Variants in DLGAP2 observed in about 807,000 individuals in gnomAD.
DLGAP2 encodes DLG associated protein 2.
Under a neutral mutation model 100.3 loss-of-function variants are expected in DLGAP2, and 26 were observed. That is an observed-to-expected ratio of 0.26 (90% CI 0.19 to 0.36). The LOEUF (loss-of-function observed/expected upper bound fraction) is 0.36. Ranked by LOEUF, DLGAP2 falls within the 10% of genes least tolerant of loss-of-function variation. The pLI is 1.00. For synonymous variants in DLGAP2, 886 were observed against 630.1 expected (o/e 1.41, Z -6.08); for missense variants, 1,858 against 1,453.2 (o/e 1.28, Z -4.53).
At chr8:1,309,673 G>A (rs977072086) in intron 3 of DLGAP2, among the ~76,000 whole-genome samples, 1 of 152,172 alleles carries the variant, frequency 6.6e-6, no homozygotes, top group Non-Finnish European at 1.5e-5. Flanking sequence ...ATACAGGGAC[G>A]ACCAGGAAAA....
chr8:1,697,206 G>C lies in DLGAP2; in HGVS notation c.2856G>C (p.Leu952=), dbSNP rs1477084265. Residue 952 remains leucine, a synonymous_variant, in exon 14 of 15, where the codon CTG becomes CTC. Transcript: ENST00000637795. Reference sequence around the variant, plus strand: ...ACCTGGCCGGCTACTGGGACATGCTGCAGCTCTCCATTGAGGACGTCAGCA... The same window carrying C: ...ACCTGGCCGGCTACTGGGACATGCTCCAGCTCTCCATTGAGGACGTCAGCA... ...SQDLAGYWDM[L]QLSIEDVSMK... 2 of 1,610,738 alleles carry C rather than the reference G, an allele frequency of 1.2e-6. No homozygotes were observed. Among genetic ancestry groups the C allele is most frequent in the African/African-American group, 2.7e-5 (2 of 74,872 alleles).
intron 3 of DLGAP2, among the ~76,000 whole-genome samples, chr8:1,341,757 G>A (rs772261695): frequency 6.6e-6 from 1 of 152,154 alleles, no homozygotes; most frequent in African/African-American, 2.4e-5. Context: ...GTGCTAGCAG[G>A]TGTCATTTCC....
intron 3 of DLGAP2, among the ~76,000 whole-genome samples, chr8:1,436,113 A>G (rs1420387115): frequency 6.6e-6 from 1 of 152,168 alleles, no homozygotes; most frequent in Non-Finnish European, 1.5e-5. Flanking sequence ...GAGTTTATTG[A>G]GGAGAATTGA....
intron 2 of DLGAP2, among the ~76,000 whole-genome samples, chr8:915,373 C>T (rs898839816): frequency 1.3e-5 from 2 of 152,126 alleles, no homozygotes; most frequent in East Asian, 1.9e-4. Flanking sequence ...CGGTGAAACC[C>T]GGTCTCTACT....
chr8:1,589,779 G>A (rs1350087167), intron 6 of DLGAP2, among the ~76,000 whole-genome samples: 1 of 152,158 alleles, frequency 6.6e-6, no homozygotes, highest in Non-Finnish European at 1.5e-5. Flanking sequence ...GGGGTTTGCT[G>A]TTAGCACCGG....
At chr8:1,595,673 C>CA (rs760901814) in intron 6 of DLGAP2, among the ~76,000 whole-genome samples, 7,744 of 98,316 alleles carry the variant, frequency 0.079, 861 homozygotes, top group African/African-American at 0.24. Context: ...GACTCCGTCT[C>CA]AAAAAAAAAA....
At chr8:1,411,872 C>T (rs536110392) in intron 3 of DLGAP2, among the ~76,000 whole-genome samples, 27 of 152,210 alleles carry the variant, frequency 1.8e-4, no homozygotes, top group East Asian at 5.8e-4. Flanking sequence ...CCTGGTGGTG[C>T]GGCACACTCA....
chr8:1,672,891 T>C (rs1798726395), intron 10 of DLGAP2, among the ~76,000 whole-genome samples: 1 of 152,208 alleles, frequency 6.6e-6, no homozygotes, highest in South Asian at 2.1e-4. Context: ...AATGAGCTTG[T>C]TGGGAGAGCA....
At chr8:997,892 A>G (rs1800827954) in intron 2 of DLGAP2, among the ~76,000 whole-genome samples, 1 of 151,456 alleles carries the variant, frequency 6.6e-6, no homozygotes, top group South Asian at 2.1e-4. Flanking sequence ...ATGCATAAAC[A>G]CCCATGCACA....
intron 6 of DLGAP2, among the ~76,000 whole-genome samples, chr8:1,591,920 G>C (rs993979910): frequency 6.6e-6 from 1 of 152,232 alleles, no homozygotes; most frequent in African/African-American, 2.4e-5. Context: ...CACCCGGGGC[G>C]GTGGATGGAG....
At chr8:1,049,137 T>C (rs946904304) in intron 2 of DLGAP2, among the ~76,000 whole-genome samples, 1 of 152,174 alleles carries the variant, frequency 6.6e-6, no homozygotes, top group Non-Finnish European at 1.5e-5. Context: ...CTGTCAATAA[T>C]GTTTAGACGA....
At chr8:953,192 T>C (rs145169245) in intron 2 of DLGAP2, among the ~76,000 whole-genome samples, 1 of 151,886 alleles carries the variant, frequency 6.6e-6, no homozygotes, top group African/African-American at 2.4e-5. Context: ...ATGTTTCTTT[T>C]TTTTCTTTTT....
chr8:986,984 C>G (rs1336361876), intron 2 of DLGAP2, among the ~76,000 whole-genome samples: 1 of 152,128 alleles, frequency 6.6e-6, no homozygotes, highest in Non-Finnish European at 1.5e-5. Flanking sequence ...AATGTGGTAT[C>G]ATTTAATGTA....
chr8:1,443,179 G>T (rs1797887222), intron 3 of DLGAP2, among the ~76,000 whole-genome samples: 1 of 152,120 alleles, frequency 6.6e-6, no homozygotes, highest in Non-Finnish European at 1.5e-5. Context: ...AGAAAACATA[G>T]ATCAACATGA....
At chr8:1,437,532 A>C (rs759616295) in intron 3 of DLGAP2, among the ~76,000 whole-genome samples, 1 of 152,276 alleles carries the variant, frequency 6.6e-6, no homozygotes, top group South Asian at 2.1e-4. Flanking sequence ...GGAACACCTT[A>C]GTTCACGTGG....
intron 3 of DLGAP2, among the ~76,000 whole-genome samples, chr8:1,452,661 A>C (rs972175723): frequency 6.6e-6 from 1 of 152,210 alleles, no homozygotes; most frequent in Non-Finnish European, 1.5e-5. Flanking sequence ...GGAGATGCCG[A>C]AACATTATCA....
At chr8:1,066,062 C>G (rs932808826) in intron 2 of DLGAP2, among the ~76,000 whole-genome samples, 6 of 152,202 alleles carry the variant, frequency 3.9e-5, no homozygotes, top group African/African-American at 1.4e-4. Flanking sequence ...TGGGGCAGGT[C>G]TGAGCGAGGA....
chr8:1,579,870 C>G (rs1257505630), intron 6 of DLGAP2, among the ~76,000 whole-genome samples: 1 of 151,816 alleles, frequency 6.6e-6, no homozygotes, highest in Non-Finnish European at 1.5e-5. Flanking sequence ...AAGCCCCCAC[C>G]ATGCGCTGCT....
intron 6 of DLGAP2, among the ~76,000 whole-genome samples, chr8:1,580,188 ACT>A (rs1469484857): frequency 6.6e-6 from 1 of 152,246 alleles, no homozygotes; most frequent in East Asian, 1.9e-4. Context: ...GTTCCTTCAA[ACT>A]CTCAGAGAAA....
Sources: allele counts gnomAD v4.1 joint callset (sites outside exome capture counted in the v4.1 genomes callset), GRCh38; gene constraint gnomAD v4.1.1; transcripts MANE v1.5; gene names NCBI Gene and HGNC (gene_info 2026-07-23, HGNC 2026-07-21).